MACROD1: variants seen among roughly 807,000 people sequenced by gnomAD.
MACROD1 encodes the protein ADP-ribose glycohydrolase MACROD1.
A neutral mutation model predicts 41.4 loss-of-function variants in MACROD1; 31 were observed. The observed-to-expected ratio is 0.75, with a 90% CI of 0.56 to 1.01. The LOEUF (loss-of-function observed/expected upper bound fraction) is 1.01. Ranked by LOEUF, MACROD1 falls within the 50% of genes least tolerant of loss-of-function variation. The pLI is 0.00. For synonymous variants in MACROD1, 252 were observed against 203.4 expected, an observed-to-expected ratio of 1.24 and a Z score of -2.03; for missense variants, 473 against 460.0, an observed-to-expected ratio of 1.03 and a Z score of -0.26.
At chr11:64,029,848 CT>C (rs1722171709) in intron 3 of MACROD1, among the ~76,000 whole-genome samples, 1 of 152,198 alleles carries the variant, frequency 6.6e-6, no homozygotes, top group Non-Finnish European at 1.5e-5. Flanking sequence ...AGCATATTCT[CT>C]GCTGGGAATG....
At chr11:64,099,327 C>T (rs1263823065) in intron 3 of MACROD1, among the ~76,000 whole-genome samples, 1 of 152,268 alleles carries the variant, frequency 6.6e-6, no homozygotes, top group East Asian at 1.9e-4. Context: ...CCCCACTGGA[C>T]TGTGAGCTCC....
intron 3 of MACROD1, among the ~76,000 whole-genome samples, chr11:64,099,572 A>C (rs943523839): frequency 1.3e-5 from 2 of 151,548 alleles, no homozygotes; most frequent in Admixed American, 1.3e-4. Flanking sequence ...ATAGAGGTGA[A>C]TAGATGGACT....
rs1443024659 is a variant in MACROD1, at chr11:63,999,778, G to A, written c.665-15C>T. The A allele has an allele frequency of 6.2e-7, 1 of 1,600,294 alleles. No homozygotes were observed. The highest frequency in any genetic ancestry group is 8.5e-7 in the Non-Finnish European group (1 of 1,177,630). Reference sequence around the variant, plus strand: ...GTGGATGACGTCTACGGGGGGCGACGGGGTCAGACCGGCGGGGGTCTACGC... The same window carrying A: ...GTGGATGACGTCTACGGGGGGCGACAGGGTCAGACCGGCGGGGGTCTACGC... On this transcript the variant is annotated splice_polypyrimidine_tract_variant and intron_variant, in intron 5 of 10. Transcript: ENST00000255681.
At chr11:64,004,077 G>A (rs963568915) in intron 4 of MACROD1, among the ~76,000 whole-genome samples, 3 of 152,210 alleles carry the variant, frequency 2.0e-5, no homozygotes, top group Admixed American at 2.0e-4. Flanking sequence ...CCAAGCCCTG[G>A]CCTCTGAGCG....
intron 1 of MACROD1, among the ~76,000 whole-genome samples, chr11:64,157,351 C>T (rs1184883756): frequency 6.6e-6 from 1 of 152,194 alleles, no homozygotes; most frequent in Non-Finnish European, 1.5e-5. Flanking sequence ...GCCTCAGCCT[C>T]CGAAAGTGCT....
chr11:64,060,297 T>G (rs1344104535), intron 3 of MACROD1: 2 of 152,188 alleles, frequency 1.3e-5, no homozygotes, highest in Non-Finnish European at 2.9e-5. Context: ...TTCCTCCGCC[T>G]GCAGGCCGAT....
chr11:64,052,881 C>G (rs1018424521), intron 3 of MACROD1, among the ~76,000 whole-genome samples: 3 of 152,212 alleles, frequency 2.0e-5, no homozygotes, highest in African/African-American at 4.8e-5. Flanking sequence ...CAGAGCCCAC[C>G]ACTACTCCAC....
intron 3 of MACROD1, among the ~76,000 whole-genome samples, chr11:64,078,932 T>C (rs1432304621): frequency 1.3e-5 from 2 of 151,870 alleles, no homozygotes; most frequent in African/African-American, 2.4e-5. Context: ...TTTATGCCAG[T>C]GCGGTTAAGG....
chr11:64,164,931 C>A (rs1945814514), intron 1 of MACROD1, among the ~76,000 whole-genome samples: 1 of 151,810 alleles, frequency 6.6e-6, no homozygotes, highest in East Asian at 1.9e-4. Flanking sequence ...AGGCCCCAGA[C>A]TCATGCCCCC....
At chr11:64,049,219 A>G (rs1369790514) in intron 3 of MACROD1, among the ~76,000 whole-genome samples, 1 of 152,214 alleles carries the variant, frequency 6.6e-6, no homozygotes, top group Non-Finnish European at 1.5e-5. Context: ...GGACCCCCAG[A>G]GACCACTGTG....
At chr11:64,165,539 T>C (rs755278738) in intron 1 of MACROD1, among the ~76,000 whole-genome samples, 158 bp downstream of exon 1, 1 of 149,698 alleles carries the variant, frequency 6.7e-6, no homozygotes, top group Non-Finnish European at 1.5e-5. Context: ...CGGGGGGGGC[T>C]GTCAATGGGG....
At position 64,123,296 on chromosome 11, in the gene MACROD1, C is replaced by T. The variant is rs117800720; in HGVS notation, c.517+27943G>A. 2.7e-3 allele frequency among the ~76,000 whole-genome samples: 418 copies of T among 152,266 alleles called. 2 individuals are homozygous for T. The highest frequency in any genetic ancestry group is 0.018 in the East Asian group (95 of 5,174). On this transcript the variant is annotated intron_variant, in intron 3 of 10. Coordinates refer to ENST00000255681, the MANE Select transcript of MACROD1 (RefSeq NM_014067.4). ...GGGCGCCAGGGCAAGCACTCACAGG[C>T]GATTCGCAGCCGTGCATTGGCCTTC...
intron 3 of MACROD1, among the ~76,000 whole-genome samples, chr11:64,099,521 AATGG>A (rs1339140902): frequency 4.6e-5 from 7 of 151,782 alleles, no homozygotes; most frequent in Non-Finnish European, 8.8e-5. Context: ...TAGATGGAGA[AATGG>A]ATGGATGGAT....
At chr11:64,100,797 G>A (rs1944657681) in intron 3 of MACROD1, among the ~76,000 whole-genome samples, 1 of 152,168 alleles carries the variant, frequency 6.6e-6, no homozygotes, top group South Asian at 2.1e-4. Context: ...GGGCACAGAC[G>A]CTGAGGAGCC....
chr11:64,095,140 G>A (rs11231693), intron 3 of MACROD1, among the ~76,000 whole-genome samples: 16,751 of 152,234 alleles, frequency 0.11, 1,404 homozygotes, highest in East Asian at 0.35. Flanking sequence ...GCAAAGATGG[G>A]GAAGGAACGA....
At chr11:63,999,179 T>TC in intron 8 of MACROD1, 143 bp from the exon 9 acceptor site, 21 of 1,326,100 alleles carry the variant, frequency 1.6e-5, no homozygotes, top group Non-Finnish European at 2.2e-5. Context: ...CACCCCCATC[T>TC]CGCCACCGCC....
At chr11:64,084,043 GTGAGGCAGAGAC>G (rs1944349730) in intron 3 of MACROD1, among the ~76,000 whole-genome samples, 2 of 152,202 alleles carry the variant, frequency 1.3e-5, no homozygotes, top group African/African-American at 4.8e-5. Context: ...AGAGCTGGTG[GTGAGGCAGAGAC>G]TGAGGTTTCC....
chr11:64,057,627 AC>A (rs937127808), intron 3 of MACROD1, among the ~76,000 whole-genome samples: 1 of 152,162 alleles, frequency 6.6e-6, no homozygotes, highest in African/African-American at 2.4e-5. Flanking sequence ...AAGGGCCTGG[AC>A]CCCTTGAAGA....
chr11:64,118,469 A>AT (rs1327950640), intron 3 of MACROD1: 11 of 609,304 alleles, frequency 1.8e-5, no homozygotes, highest in African/African-American at 3.7e-5. Context: ...AACAGTGACA[A>AT]TTTTTTTTAA....
Sources: gnomAD v4.1 joint callset for allele counts (sites outside exome capture counted in the v4.1 genomes callset) on GRCh38, gnomAD v4.1.1 for gene constraint, MANE v1.5 for transcripts, NCBI Gene and HGNC (gene_info 2026-07-23, HGNC 2026-07-21) for gene names.